LIN28A: variants seen among roughly 807,000 people sequenced by gnomAD.
LIN28A encodes the protein protein lin-28 homolog A.
LIN28A carries 11 observed loss-of-function variants against 21.1 expected under a neutral mutation model. That is an observed-to-expected ratio of 0.52 (90% CI 0.33 to 0.86). LIN28A has a LOEUF of 0.86. Ranked by LOEUF, LIN28A falls within the 40% of genes least tolerant of loss-of-function variation. The pLI, the probability that LIN28A is intolerant of heterozygous loss-of-function variation, is 0.03. For synonymous variants in LIN28A, 111 were observed against 108.7 expected (o/e 1.02, Z -0.13); for missense variants, 219 against 279.8 (o/e 0.78, Z 1.55).
chr1:26,423,713 A>G lies in LIN28A; in HGVS notation c.229-1590A>G, dbSNP rs1433321555. Among the ~76,000 whole-genome samples the G allele has an allele frequency of 2.0e-5, 3 of 148,892 alleles. No individual in the cohort carries two copies. The East Asian group carries it at 6.2e-4, about 31-fold the overall frequency. On this transcript the variant is annotated intron_variant, in intron 2 of 3. Transcript: ENST00000326279. ...AGGCATGAGCCATTGCGCACGGCCC[A>G]TTAGTATTATTTCTTAAATCATTGA... is the stretch of plus-strand genomic sequence containing the variant.
At position 26,416,225 on chromosome 1, in the gene LIN28A, T is replaced by G. The variant is rs558247107; in HGVS notation, c.228+4643T>G. Among the ~76,000 whole-genome samples the G allele has an allele frequency of 2.0e-5, 3 of 152,188 alleles. No homozygotes were observed. The South Asian group carries it at 6.2e-4, about 32-fold the overall frequency. ...CCAGGCTGGTCTCAAACTCCTGACCTCAAGTGATCCACCTGCCTGGGACTC... is the reference window on the plus strand; with the variant it reads ...CCAGGCTGGTCTCAAACTCCTGACCGCAAGTGATCCACCTGCCTGGGACTC... On this transcript the variant is annotated intron_variant, in intron 2 of 3. Transcript: ENST00000326279.
chr1:26,423,413 C>CTTTTT (rs1202952934), intron 2 of LIN28A, among the ~76,000 whole-genome samples: 911 of 78,820 alleles, frequency 0.012, 3 homozygotes, highest in East Asian at 0.033. Flanking sequence ...TTTTCTTTTT[C>CTTTTT]TTTTTTTTTT....
In LIN28A at chr1:26,427,728, A is replaced by G. The variant is rs1191625680; in HGVS notation, c.*1270A>G. ...CTAGAGTTGCTAAGGATAAGTTTAA[A>G]GACCAATACCCCTGTACTTAATCCT... On this transcript the variant is annotated 3_prime_UTR_variant, in exon 4 of 4. Transcript: ENST00000326279. 2.0e-5 allele frequency: 3 copies of G among 152,256 alleles called. No homozygotes were observed. Among genetic ancestry groups the G allele is most frequent in the Admixed American group, 2.0e-4 (3 of 15,280 alleles). 9.4% of individuals were successfully genotyped at this position (152,256 alleles called of 1,614,324 possible).
At chr1:26,419,580 C>T (rs751495018) in intron 2 of LIN28A, among the ~76,000 whole-genome samples, 13 of 152,140 alleles carry the variant, frequency 8.5e-5, no homozygotes, top group Non-Finnish European at 1.6e-4. Context: ...TCTCTGTTAA[C>T]CCACGCCACC....
At chr1:26,420,401 G>T (rs980882599) in intron 2 of LIN28A, among the ~76,000 whole-genome samples, 1 of 152,014 alleles carries the variant, frequency 6.6e-6, no homozygotes, top group Non-Finnish European at 1.5e-5. Context: ...GAGGCATGAG[G>T]TCAGGAGTTT....
In LIN28A at chr1:26,411,408, AGAGGCGCCCGAG is replaced by A. The variant is rs1449433641; in HGVS notation, c.63_74del (p.Glu23_Glu26del). 3 of 1,600,946 alleles carry A rather than the reference AGAGGCGCCCGAG, an allele frequency of 1.9e-6. No homozygotes were observed. Among genetic ancestry groups the A allele is most frequent in the African/African-American group, 1.3e-5 (1 of 74,604 alleles). On this transcript the variant is annotated inframe_deletion, in exon 2 of 4. Coordinates refer to ENST00000326279, the MANE Select transcript of LIN28A (RefSeq NM_024674.6). The surrounding 1 kb of genome is among the most constrained non-coding windows in gnomAD (Gnocchi z 5.4). ...CAGGTGGCTGCGCCAAGGCGGCAGA[AGAGGCGCCCGAG>A]GAGGCGCCGGAGGACGCGGCCCGGG...
At position 26,418,799 on chromosome 1, in the gene LIN28A, G is replaced by C. The variant is rs561658422; in HGVS notation, c.229-6504G>C. ...TGGGCAGTGCGCAAGCCAGAGAAGGGAGATGGCTGCTGATGGTGACTTTGG... is the reference window on the plus strand; with the variant it reads ...TGGGCAGTGCGCAAGCCAGAGAAGGCAGATGGCTGCTGATGGTGACTTTGG... On this transcript the variant is annotated intron_variant, in intron 2 of 3. Coordinates refer to ENST00000326279, the MANE Select transcript of LIN28A (RefSeq NM_024674.6). Among the ~76,000 whole-genome samples the C allele has an allele frequency of 3.3e-5, 5 of 152,334 alleles. No individual in the cohort carries two copies. The East Asian group carries it at 9.6e-4, about 29-fold the overall frequency.
At chr1:26,425,599 C>A in intron 3 of LIN28A, 112 bp downstream of exon 3, 1 of 1,037,746 alleles carries the variant, frequency 9.6e-7, no homozygotes, top group Non-Finnish European at 1.4e-6. Context: ...TGGTCCCTGG[C>A]AGCATCTGGA....
chr1:26,417,309 C>G (rs568524864), intron 2 of LIN28A, among the ~76,000 whole-genome samples: 1 of 152,196 alleles, frequency 6.6e-6, no homozygotes, highest in African/African-American at 2.4e-5. Context: ...CTGTTCCAGA[C>G]ACCCCTTTCA....
chr1:26,426,156 C>A (rs2075058104), intron 3 of LIN28A, 86 bp from the exon 4 acceptor site: 4 of 1,088,102 alleles, frequency 3.7e-6, no homozygotes, highest in Non-Finnish European at 5.6e-6. Flanking sequence ...CAAACCTGTA[C>A]CAGAGCCCAG....
At position 26,411,703 on chromosome 1, in the gene LIN28A, C is replaced by A; in HGVS notation, c.228+121C>A. 1.0e-6 allele frequency: 1 copy of A among 985,704 alleles called. No homozygotes were observed. The highest frequency in any genetic ancestry group is 1.5e-6 in the Non-Finnish European group (1 of 653,634). The allele number at this position is 985,704 out of a possible 1,614,324, so 61.1% of individuals were successfully genotyped here. ...GGGAGCCCTCATTATGCATCCCTGT[C>A]TTTGCTTCGGCACCCCAATTCTGAG... On this transcript the variant is annotated intron_variant, in intron 2 of 3. Transcript: ENST00000326279. This position sits in a 1 kb window ranked among gnomAD's most constrained non-coding sequence, Gnocchi z 5.4.
chr1:26,414,539 G>A (rs2074982476), intron 2 of LIN28A, among the ~76,000 whole-genome samples: 1 of 152,118 alleles, frequency 6.6e-6, no homozygotes, highest in Admixed American at 6.5e-5. Flanking sequence ...CCCACCCCCA[G>A]CCAAAAACTA....
chr1:26,421,560 T>C (rs1241196589), intron 2 of LIN28A, among the ~76,000 whole-genome samples: 1 of 152,252 alleles, frequency 6.6e-6, no homozygotes, highest in Non-Finnish European at 1.5e-5. Context: ...AGTATTTTTC[T>C]TAACAATGAG....
chr1:26,419,891 C>T (rs2124295620), intron 2 of LIN28A, among the ~76,000 whole-genome samples: 1 of 152,212 alleles, frequency 6.6e-6, no homozygotes, highest in Middle Eastern at 3.4e-3. Context: ...TCCTCTAGGA[C>T]CTCCCAACTC....
chr1:26,425,167 CTT>C (rs754305329), intron 2 of LIN28A, 134 bp from the exon 3 acceptor site: 21 of 805,224 alleles, frequency 2.6e-5, no homozygotes, highest in Non-Finnish European at 3.7e-5. Context: ...CGTAGTGACT[CTT>C]TGAGTCAGTT....
At position 26,411,737 on chromosome 1, in the gene LIN28A, A is replaced by G. The variant is rs903369843; in HGVS notation, c.228+155A>G. Reference sequence around the variant, plus strand: ...GGCACCCCAATTCTGAGTCCCTGTTAACTATCTCGTGGGGGAGTAGTGGGA... The same window carrying G: ...GGCACCCCAATTCTGAGTCCCTGTTGACTATCTCGTGGGGGAGTAGTGGGA... On this transcript the variant is annotated intron_variant, in intron 2 of 3. Transcript: ENST00000326279. This position sits in a 1 kb window ranked among gnomAD's most constrained non-coding sequence, Gnocchi z 5.4. Among the ~76,000 whole-genome samples, 7 of 152,064 alleles carry G rather than the reference A, an allele frequency of 4.6e-5. No individual in the cohort carries two copies. The highest frequency in any genetic ancestry group is 5.9e-5 in the Non-Finnish European group (4 of 68,014).
rs1570307087 is a variant in LIN28A, at chr1:26,411,262, G to T, written c.32-124G>T. The T allele has an allele frequency of 8.5e-6, 8 of 946,644 alleles. No individual in the cohort carries two copies. Among genetic ancestry groups the T allele is most frequent in the East Asian group, 5.4e-5 (2 of 36,722 alleles). The allele number at this position is 946,644 out of a possible 1,614,324, so 58.6% of individuals were successfully genotyped here. ...ATAGGTTTCTTCTCTTCTGTTGCTT[G>T]GTAGCTGCCCCCTCCTGGCTGTCCA... is the stretch of plus-strand genomic sequence containing the variant. On this transcript the variant is annotated intron_variant, in intron 1 of 3. Coordinates refer to ENST00000326279, the MANE Select transcript of LIN28A (RefSeq NM_024674.6). This position sits in a 1 kb window ranked among gnomAD's most constrained non-coding sequence, Gnocchi z 5.4.
rs1322998171 is a variant in LIN28A at position 26,415,575 on chromosome 1, T to C, written c.228+3993T>C. ...AAAAGGGGCATCTTGAGGACCTTGG[T>C]GAATCAGAAGTACACTTAGCAGTCT... On this transcript the variant is annotated intron_variant, in intron 2 of 3. Coordinates refer to ENST00000326279, the MANE Select transcript of LIN28A (RefSeq NM_024674.6). Among the ~76,000 whole-genome samples the C allele has an allele frequency of 4.6e-5, 7 of 152,306 alleles. No homozygotes were observed. In the South Asian group the frequency reaches 1.0e-3, roughly 23 times the overall value.
chr1:26,420,790 A>G (rs1246102446), intron 2 of LIN28A, among the ~76,000 whole-genome samples: 1 of 151,728 alleles, frequency 6.6e-6, no homozygotes, highest in Non-Finnish European at 1.5e-5. Flanking sequence ...TTGCTTCTCC[A>G]TTTTCTATGA....
Sources: gnomAD v4.1 joint callset for allele counts (sites outside exome capture counted in the v4.1 genomes callset) on GRCh38, gnomAD v4.1.1 for gene constraint, Gnocchi (gnomAD v3.1) non-coding constraint, MANE v1.5 for transcripts, NCBI Gene and HGNC (gene_info 2026-07-23, HGNC 2026-07-21) for gene names.